Variants in RIC1 observed in about 807,000 individuals in gnomAD.
RIC1 encodes the protein guanine nucleotide exchange factor subunit RIC1.
In RIC1, 88 loss-of-function variants were observed where a neutral mutation model predicts 169.0. The observed-to-expected ratio is 0.52, with a 90% CI of 0.44 to 0.62. The LOEUF (loss-of-function observed/expected upper bound fraction) is 0.62, where lower values mean the gene tolerates loss of function less well. Ranked by LOEUF, RIC1 falls within the 20% of genes least tolerant of loss-of-function variation. RIC1 has a pLI of 0.00. For synonymous variants in RIC1, 790 were observed against 601.5 expected (o/e 1.31, Z -4.59); for missense variants, 1,877 against 1,725.5 (o/e 1.09, Z -1.56).
At chr9:5,680,043 A>G (rs1389594373) in intron 2 of RIC1, among the ~76,000 whole-genome samples, 1 of 152,174 alleles carries the variant, frequency 6.6e-6, no homozygotes, top group African/African-American at 2.4e-5. Flanking sequence ...GAGAGTTTTT[A>G]GCATGAAGGG....
At chr9:5,655,798 A>G (rs1819062526) in intron 1 of RIC1, among the ~76,000 whole-genome samples, 1 of 151,526 alleles carries the variant, frequency 6.6e-6, no homozygotes, top group Non-Finnish European at 1.5e-5. Context: ...ACCTTGTTGG[A>G]TTTGATTTGC....
chr9:5,656,681 A>G lies in RIC1; in HGVS notation c.243A>G (p.Ile81Met). 1 of 1,576,552 alleles carries G rather than the reference A, an allele frequency of 6.3e-7. No individual in the cohort carries two copies. Among genetic ancestry groups the G allele is most frequent in the Non-Finnish European group, 8.7e-7 (1 of 1,151,496 alleles). The change falls in exon 2 of 26, where the codon ATA (isoleucine) becomes ATG (methionine). Residue 81 changes from isoleucine to methionine, a missense_variant. Around this residue, in one of 3 missense-constraint regions of RIC1, gnomAD observed 1,104 missense variants for 992.0 expected, o/e 1.11. Coordinates refer to ENST00000414202, the MANE Select transcript of RIC1 (RefSeq NM_020829.4). ...QAEWRPDSTM[I>M]AVSTANGYIL... is the part of the protein sequence containing the mutation. The stretch of plus-strand genomic sequence containing the variant: ...AATGGAGGCCAGATAGTACCATGAT[A>G]GCTGTATCAGTAAGTAGATTTTACC...
At chr9:5,657,189 A>C (rs1819152735) in intron 2 of RIC1, among the ~76,000 whole-genome samples, 1 of 152,166 alleles carries the variant, frequency 6.6e-6, no homozygotes, top group Non-Finnish European at 1.5e-5. Flanking sequence ...TCCAAAAGAT[A>C]TTCCAGAAAA....
chr9:5,695,804 C>T (rs1357047210), intron 3 of RIC1, among the ~76,000 whole-genome samples: 2 of 151,966 alleles, frequency 1.3e-5, no homozygotes, highest in Non-Finnish European at 2.9e-5. Flanking sequence ...CTCCTGACCT[C>T]AAGTGATCTG....
rs78471949 is a variant in RIC1 at position 5,765,381 on chromosome 9, T to G, written c.2842-33T>G. The G allele has an allele frequency of 3.7e-3, 5,905 of 1,592,992 alleles. 231 individuals are homozygous for G. The African/African-American group carries it at 0.072, about 20-fold the overall frequency. ...TCATATCTTCCCAAATTGTGTAGTATAAAAAGAATGCTGTCCTGGTTGTTT... is the reference window on the plus strand; with the variant it reads ...TCATATCTTCCCAAATTGTGTAGTAGAAAAAGAATGCTGTCCTGGTTGTTT... On this transcript the variant is annotated intron_variant, in intron 19 of 25. Transcript: ENST00000414202.
chr9:5,681,199 G>A (rs557293590), intron 2 of RIC1, among the ~76,000 whole-genome samples: 337 of 152,110 alleles, frequency 2.2e-3, no homozygotes, highest in African/African-American at 7.8e-3. Context: ...CTTACCTTCT[G>A]CTAGCTTTTG....
intron 21 of RIC1, among the ~76,000 whole-genome samples, chr9:5,767,678 C>T (rs1372747931): frequency 2.0e-5 from 3 of 152,128 alleles, no homozygotes; most frequent in Non-Finnish European, 4.4e-5. Flanking sequence ...ATCTCCGCCT[C>T]CCAGGTTCAA....
intron 3 of RIC1, chr9:5,713,018 C>G (rs934995669): frequency 1.3e-5 from 2 of 152,140 alleles, no homozygotes; most frequent in African/African-American, 4.8e-5. Context: ...AAATGAGCAT[C>G]AAAATATATT....
At chr9:5,762,698 G>C in intron 18 of RIC1, 38 bp downstream of exon 18, 1 of 1,600,246 alleles carries the variant, frequency 6.2e-7, no homozygotes, top group South Asian at 1.1e-5. Context: ...CAAACATTAA[G>C]AAGGTATGGG....
chr9:5,649,755 A>G (rs936176649), intron 1 of RIC1, among the ~76,000 whole-genome samples: 9 of 146,790 alleles, frequency 6.1e-5, no homozygotes, highest in African/African-American at 2.3e-4. Flanking sequence ...TTTTTTTCAC[A>G]TTACTTGTAT....
chr9:5,677,027 T>C (rs1175792893), intron 2 of RIC1, among the ~76,000 whole-genome samples: 1 of 152,238 alleles, frequency 6.6e-6, no homozygotes, highest in Non-Finnish European at 1.5e-5. Flanking sequence ...TTTCCTTTTC[T>C]GTTGGGTAAA....
intron 2 of RIC1, among the ~76,000 whole-genome samples, chr9:5,681,939 T>C (rs1266191713): frequency 6.6e-6 from 1 of 152,230 alleles, no homozygotes; most frequent in African/African-American, 2.4e-5. Flanking sequence ...TTTTGATCTT[T>C]GTTGGTTTAA....
At chr9:5,746,113 G>T (rs756887706) in intron 11 of RIC1, 30 bp downstream of exon 11, 2 of 1,565,438 alleles carry the variant, frequency 1.3e-6, no homozygotes, top group Non-Finnish European at 1.7e-6. Flanking sequence ...TGATTTTTTA[G>T]TGTCTTTTGT....
Position 5,713,900 on chromosome 9 carries a change from A to G in RIC1, c.337A>G (p.Ser113Gly). The change falls in exon 4 of 26, where the codon AGT becomes GGT. Residue 113 changes from serine to glycine, a missense_variant. Transcript: ENST00000414202. ...YLYEPVYPKGSPQMKGTPHFK... is the reference protein window; with the variant it reads ...YLYEPVYPKGGPQMKGTPHFK... ...ACTCTATGCTGTTTGTTTTAGAGGA[A>G]GTCCACAAATGAAGGGGACACCCCA... 1.2e-6 allele frequency: 2 copies of G among 1,610,866 alleles called. No homozygotes were observed. The highest frequency in any genetic ancestry group is 8.5e-7 in the Non-Finnish European group (1 of 1,177,386).
intron 3 of RIC1, among the ~76,000 whole-genome samples, chr9:5,701,481 C>G (rs944743627): frequency 6.6e-6 from 1 of 151,838 alleles, no homozygotes; most frequent in East Asian, 1.9e-4. Flanking sequence ...GTGTGGTAAT[C>G]CCGGCTACTC....
chr9:5,662,043 G>C (rs1018663994), intron 2 of RIC1, among the ~76,000 whole-genome samples: 5 of 152,228 alleles, frequency 3.3e-5, no homozygotes, highest in East Asian at 3.9e-4. Context: ...AACCTAAAGC[G>C]ATGTTGAATT....
At chr9:5,645,188 G>C (rs1818443146) in intron 1 of RIC1, among the ~76,000 whole-genome samples, 1 of 151,906 alleles carries the variant, frequency 6.6e-6, no homozygotes, top group African/African-American at 2.4e-5. Context: ...CTAGTAGCTG[G>C]GACTACAGAT....
At chr9:5,709,333 G>C (rs532213238) in intron 3 of RIC1, among the ~76,000 whole-genome samples, 36 of 152,040 alleles carry the variant, frequency 2.4e-4, no homozygotes, top group African/African-American at 6.8e-4. Context: ...TTATTTCTAC[G>C]TGCAGACAGA....
intron 2 of RIC1, among the ~76,000 whole-genome samples, chr9:5,682,362 A>G (rs977338341): frequency 6.6e-6 from 1 of 152,222 alleles, no homozygotes; most frequent in African/African-American, 2.4e-5. Flanking sequence ...TGGTGGGGAC[A>G]AAATCTCTCA....
Sources: gnomAD v4.1 joint callset for allele counts (sites outside exome capture counted in the v4.1 genomes callset) on GRCh38, gnomAD v4.1.1 for gene constraint, gnomAD v4.1.1 regional missense constraint, MANE v1.5 for transcripts, NCBI Gene and HGNC (gene_info 2026-07-23, HGNC 2026-07-21) for gene names.